Variants in ENTREP2 observed in about 807,000 individuals in gnomAD.
The protein encoded by ENTREP2 is protein ENTREP2.
At chr15:29,623,285 G>T in the ENTREP2 span, among the ~76,000 whole-genome samples, 1 of 152,162 alleles carries the variant, frequency 6.6e-6, no homozygotes, top group Non-Finnish European at 1.5e-5. Flanking sequence ...TGTCCTGAGT[G>T]GGCTCAAGTT....
At chr15:29,323,853 AT>A in the ENTREP2 span, among the ~76,000 whole-genome samples, 1 of 152,008 alleles carries the variant, frequency 6.6e-6, no homozygotes, top group Non-Finnish European at 1.5e-5. Context: ...AGTTTGAGAA[AT>A]TTTTTCCCAA....
At chr15:29,550,192 G>A in the ENTREP2 span, among the ~76,000 whole-genome samples, 3 of 152,150 alleles carry the variant, frequency 2.0e-5, no homozygotes, top group Non-Finnish European at 4.4e-5. Flanking sequence ...GTTCTTTACA[G>A]ATAGGACAAC....
At chr15:29,670,618 G>A in the ENTREP2 span, among the ~76,000 whole-genome samples, 173 of 152,256 alleles carry the variant, frequency 1.1e-3, no homozygotes, top group African/African-American at 3.8e-3. Context: ...TGTGGGGCCC[G>A]AGGTTTATGC....
the ENTREP2 span, among the ~76,000 whole-genome samples, chr15:29,571,013 C>A: frequency 8.9e-5 from 13 of 145,402 alleles, no homozygotes; most frequent in Non-Finnish European, 1.2e-4. Context: ...CCGGCCCGAG[C>A]GCGGGCGCGA....
At chr15:29,490,767 G>C in the ENTREP2 span, among the ~76,000 whole-genome samples, 1 of 152,224 alleles carries the variant, frequency 6.6e-6, no homozygotes, top group Non-Finnish European at 1.5e-5. Context: ...AGACATAAAA[G>C]TTCTCCAAGT....
At chr15:29,542,584 G>A in the ENTREP2 span, among the ~76,000 whole-genome samples, 8 of 152,228 alleles carry the variant, frequency 5.3e-5, no homozygotes, top group East Asian at 7.7e-4. Flanking sequence ...GATTACAGGC[G>A]TGAGCCACGG....
chr15:29,211,249 G>A, the ENTREP2 span, among the ~76,000 whole-genome samples: 3 of 152,110 alleles, frequency 2.0e-5, no homozygotes, highest in African/African-American at 4.8e-5. Context: ...TCCCCTCTAC[G>A]ATGAAGCCAG....
the ENTREP2 span, among the ~76,000 whole-genome samples, chr15:29,604,585 A>G: frequency 9.9e-5 from 15 of 152,220 alleles, no homozygotes; most frequent in African/African-American, 3.6e-4. Context: ...GAATTATAAT[A>G]TCTAGCAATA....
chr15:29,354,529 C>T, the ENTREP2 span, among the ~76,000 whole-genome samples: 1 of 152,154 alleles, frequency 6.6e-6, no homozygotes, highest in Non-Finnish European at 1.5e-5. Flanking sequence ...AGAATGGAGA[C>T]ACGTTCTAAG....
At chr15:29,388,438 A>G in the ENTREP2 span, among the ~76,000 whole-genome samples, 1 of 152,218 alleles carries the variant, frequency 6.6e-6, no homozygotes, top group Non-Finnish European at 1.5e-5. Context: ...CACCAGTTAG[A>G]ATGGCCATAA....
the ENTREP2 span, among the ~76,000 whole-genome samples, chr15:29,449,338 G>A: frequency 6.6e-6 from 1 of 152,220 alleles, no homozygotes; most frequent in Non-Finnish European, 1.5e-5. Context: ...GAGCTGAGGT[G>A]CTGGCCATGG....
At chr15:29,317,581 T>C in the ENTREP2 span, among the ~76,000 whole-genome samples, 6 of 152,330 alleles carry the variant, frequency 3.9e-5, no homozygotes, top group South Asian at 4.1e-4. Flanking sequence ...ATTAAAATTA[T>C]CATAACTGCT....
chr15:29,490,391 G>C, the ENTREP2 span, among the ~76,000 whole-genome samples: 1 of 151,494 alleles, frequency 6.6e-6, no homozygotes, highest in Non-Finnish European at 1.5e-5. Context: ...TCCACAACAT[G>C]GAAGAGAACC....
At chr15:29,509,626 C>T in the ENTREP2 span, among the ~76,000 whole-genome samples, 1 of 152,148 alleles carries the variant, frequency 6.6e-6, no homozygotes, top group Non-Finnish European at 1.5e-5. Context: ...TGATCTTTGA[C>T]AAACCTGACA....
At chr15:29,203,035 G>C in the ENTREP2 span, among the ~76,000 whole-genome samples, 1 of 152,076 alleles carries the variant, frequency 6.6e-6, no homozygotes. Context: ...GGTATTTCTG[G>C]TTCTAGATCC....
the ENTREP2 span, among the ~76,000 whole-genome samples, chr15:29,153,379 C>T: frequency 6.6e-6 from 1 of 152,138 alleles, no homozygotes; most frequent in Non-Finnish European, 1.5e-5. Context: ...GATCAGGGTG[C>T]CAGCCTGTTG....
At chr15:29,618,348 G>A in the ENTREP2 span, among the ~76,000 whole-genome samples, 386 of 151,900 alleles carry the variant, frequency 2.5e-3, no homozygotes, top group African/African-American at 8.7e-3. Context: ...GATTGAACCC[G>A]GGAGGCGGAG....
chr15:29,548,907 A>G, the ENTREP2 span, among the ~76,000 whole-genome samples: 1,685 of 152,302 alleles, frequency 0.011, 34 homozygotes, highest in African/African-American at 0.038. Flanking sequence ...TGGGCTGAGG[A>G]GGTGCTTGTG....
At chr15:29,128,655 C>T in the ENTREP2 span, 1 of 754,012 alleles carries the variant, frequency 1.3e-6, no homozygotes, top group South Asian at 1.5e-5. Flanking sequence ...AAACTCCACC[C>T]TCTTAAAGAG....
Sources: gnomAD v4.1 joint callset for allele counts (sites outside exome capture counted in the v4.1 genomes callset) on GRCh38, gnomAD v4.1.1 for gene constraint, MANE v1.5 for transcripts, NCBI Gene and HGNC (gene_info 2026-07-23, HGNC 2026-07-21) for gene names.